The following CSGALNACT1 variants were observed in gnomAD, a reference collection of about 807,000 sequenced individuals.
The protein encoded by CSGALNACT1 is beta4GalNAcT-1.
CSGALNACT1 carries 52 observed loss-of-function variants against 51.0 expected under a neutral mutation model. The ratio of observed to expected loss-of-function variants is 1.02; its 90% CI spans 0.82 to 1.29. The LOEUF (loss-of-function observed/expected upper bound fraction) is 1.29, where lower values mean the gene tolerates loss of function less well. CSGALNACT1 is among the 50% of genes most tolerant of loss of function. The probability of loss-of-function intolerance (pLI) is 0.00; values close to 1 mark genes in which losing one functional copy is unlikely to be tolerated. For synonymous variants in CSGALNACT1, 341 were observed against 254.4 expected (o/e 1.34, Z -3.24); for missense variants, 935 against 679.2 (o/e 1.38, Z -4.19).
chr8:19,438,346 G>A (rs987259986), intron 6 of CSGALNACT1, among the ~76,000 whole-genome samples: 3 of 152,146 alleles, frequency 2.0e-5, no homozygotes, highest in East Asian at 1.9e-4. Context: ...TGACAGAGAC[G>A]TTAAAACCTA....
intron 1 of CSGALNACT1, among the ~76,000 whole-genome samples, chr8:19,725,762 G>C (rs2063364977): frequency 6.6e-6 from 1 of 152,028 alleles, no homozygotes; most frequent in Non-Finnish European, 1.5e-5. Flanking sequence ...AGCAGTTTTA[G>C]GTTCACAGCA....
At chr8:19,534,963 G>A (rs754374034) in intron 3 of CSGALNACT1, among the ~76,000 whole-genome samples, 4 of 152,106 alleles carry the variant, frequency 2.6e-5, no homozygotes, top group Non-Finnish European at 4.4e-5. Flanking sequence ...GACCACTGCC[G>A]AAATATATGT....
intron 4 of CSGALNACT1, among the ~76,000 whole-genome samples, chr8:19,468,894 A>T (rs1394137793): frequency 6.6e-6 from 1 of 152,174 alleles, no homozygotes. Context: ...TAGATTAAGA[A>T]GAATGAGCTC....
chr8:19,491,389 A>T (rs1409917127), intron 4 of CSGALNACT1, among the ~76,000 whole-genome samples: 1 of 152,206 alleles, frequency 6.6e-6, no homozygotes, highest in Non-Finnish European at 1.5e-5. Context: ...AGAAAGGAAA[A>T]TACTGGAAAA....
chr8:19,509,765 G>A (rs1393447296), intron 3 of CSGALNACT1, among the ~76,000 whole-genome samples: 1 of 152,098 alleles, frequency 6.6e-6, no homozygotes, highest in Non-Finnish European at 1.5e-5. Flanking sequence ...AGCAACAGTG[G>A]GAGAATTAAA....
At chr8:19,725,879 C>T (rs563375222) in intron 1 of CSGALNACT1, among the ~76,000 whole-genome samples, 20 of 152,262 alleles carry the variant, frequency 1.3e-4, no homozygotes, top group Admixed American at 1.3e-3. Context: ...ATTTGTTACA[C>T]TTGAACTTAC....
intron 1 of CSGALNACT1, among the ~76,000 whole-genome samples, chr8:19,668,111 T>A (rs996262671): frequency 6.6e-6 from 1 of 151,898 alleles, no homozygotes; most frequent in African/African-American, 2.4e-5. Flanking sequence ...ATATGAAACA[T>A]GGTCATCTAC....
intron 1 of CSGALNACT1, among the ~76,000 whole-genome samples, chr8:19,676,105 A>AAAAAAAAC (rs2060170899): frequency 6.6e-6 from 1 of 150,890 alleles, no homozygotes; most frequent in African/African-American, 2.4e-5. Context: ...ACAAAACAAA[A>AAAAAAAAC]AAAACTCCCA....
intron 2 of CSGALNACT1, among the ~76,000 whole-genome samples, chr8:19,599,462 G>GAAAGAAAGAAAGAA (rs1564210090): frequency 1.1e-5 from 1 of 92,286 alleles, no homozygotes; most frequent in African/African-American, 4.0e-5. Flanking sequence ...AGAAAAGAAA[G>GAAAGAAAGAAAGAA]AAAGAAAGAA....
intron 6 of CSGALNACT1, among the ~76,000 whole-genome samples, chr8:19,436,852 AG>A (rs1268406350): frequency 6.6e-6 from 1 of 152,224 alleles, no homozygotes; most frequent in African/African-American, 2.4e-5. Flanking sequence ...TGGAGGGTGC[AG>A]TGAGGTATGA....
intron 5 of CSGALNACT1, among the ~76,000 whole-genome samples, chr8:19,454,943 AT>A (rs2063814659): frequency 6.6e-6 from 1 of 152,218 alleles, no homozygotes; most frequent in Non-Finnish European, 1.5e-5. Context: ...TTTTCTATAA[AT>A]TTAAGCAAGA....
intron 4 of CSGALNACT1, among the ~76,000 whole-genome samples, chr8:19,485,971 G>A (rs1297828367): frequency 4.0e-5 from 6 of 151,372 alleles, no homozygotes; most frequent in Non-Finnish European, 8.8e-5. Context: ...TCTCCATGTT[G>A]ATCATGCTGG....
intron 1 of CSGALNACT1, among the ~76,000 whole-genome samples, chr8:19,696,716 C>T (rs139506747): frequency 2.0e-5 from 3 of 152,252 alleles, no homozygotes; most frequent in African/African-American, 7.2e-5. Context: ...CTACAGGTAC[C>T]ACACAGGGCT....
At chr8:19,746,425 C>G (rs760151311) in intron 1 of CSGALNACT1, among the ~76,000 whole-genome samples, 18 of 152,158 alleles carry the variant, frequency 1.2e-4, no homozygotes, top group Non-Finnish European at 2.2e-4. Flanking sequence ...CAGAGCCCAT[C>G]ACGTGCAGAT....
chr8:19,655,331 A>C (rs1196458491), intron 1 of CSGALNACT1, among the ~76,000 whole-genome samples: 1 of 152,096 alleles, frequency 6.6e-6, no homozygotes, highest in Non-Finnish European at 1.5e-5. Context: ...TCAACTATAC[A>C]GTCACGATGC....
At chr8:19,467,651 G>T (rs7836239) in intron 4 of CSGALNACT1, among the ~76,000 whole-genome samples, 135,653 of 152,010 alleles carry the variant, frequency 0.89, 60,585 homozygotes, top group Admixed American at 0.93. Context: ...AATTTTTTTC[G>T]CATGGCTAAT....
intron 4 of CSGALNACT1, among the ~76,000 whole-genome samples, chr8:19,503,067 T>C (rs17479749): frequency 0.15 from 23,019 of 152,308 alleles, 2,053 homozygotes; most frequent in Non-Finnish European, 0.2. Flanking sequence ...CTCTGCTTCC[T>C]GTGACTATCA....
At chr8:19,581,420 A>T (rs2045541829) in intron 3 of CSGALNACT1, among the ~76,000 whole-genome samples, 1 of 152,216 alleles carries the variant, frequency 6.6e-6, no homozygotes, top group African/African-American at 2.4e-5. Context: ...CCCAAATTAA[A>T]ATGTTATATT....
intron 5 of CSGALNACT1, among the ~76,000 whole-genome samples, chr8:19,445,927 C>T (rs112599033): frequency 0.15 from 23,140 of 152,226 alleles, 1,929 homozygotes; most frequent in Middle Eastern, 0.26. Context: ...ATAATCTCAG[C>T]ACTTTGAGAG....
Sources: allele counts gnomAD v4.1 joint callset (sites outside exome capture counted in the v4.1 genomes callset), GRCh38; gene constraint gnomAD v4.1.1; transcripts MANE v1.5; gene names NCBI Gene and HGNC (gene_info 2026-07-23, HGNC 2026-07-21).